Variants in DDX4 observed in about 807,000 individuals in gnomAD.
The protein encoded by DDX4 is DEAD-box helicase 4.
DDX4 carries 25 observed loss-of-function variants against 100.0 expected under a neutral mutation model. That is an observed-to-expected ratio of 0.25 (90% confidence interval 0.18 to 0.35). The LOEUF (loss-of-function observed/expected upper bound fraction) is 0.35, where lower values mean the gene tolerates loss of function less well. Among genes scored for constraint, DDX4 ranks in the 10% least tolerant of loss-of-function variants. DDX4 has a pLI of 1.00. For missense variants in DDX4, 635 were observed against 882.4 expected, an observed-to-expected ratio of 0.72 and a Z score of 3.55; for synonymous variants, 259 against 275.7, an observed-to-expected ratio of 0.94 and a Z score of 0.60.
At chr5:55,746,019 A>G (rs1759231508) in intron 2 of DDX4, 145 bp from the exon 3 acceptor site, 4 of 620,342 alleles carry the variant, frequency 6.4e-6, no homozygotes, top group Non-Finnish European at 1.1e-5. Flanking sequence ...GTAAAGGAAC[A>G]TCCAGTGATT....
chr5:55,788,428 A>G (rs1343416180), intron 15 of DDX4, among the ~76,000 whole-genome samples: 2 of 152,156 alleles, frequency 1.3e-5, no homozygotes, highest in Non-Finnish European at 2.9e-5. Flanking sequence ...GTGAACTGTG[A>G]TTGCACCACC....
intron 3 of DDX4, among the ~76,000 whole-genome samples, chr5:55,751,780 C>A (rs915088968): frequency 5.3e-5 from 8 of 152,134 alleles, no homozygotes; most frequent in Non-Finnish European, 7.3e-5. Flanking sequence ...CCTTATTAAT[C>A]AAAAATTTAA....
chr5:55,777,913 T>C lies in DDX4; in HGVS notation c.395-2051T>C, dbSNP rs185766466. On this transcript the variant is annotated intron_variant, in intron 7 of 21. Coordinates refer to ENST00000505374, the MANE Select transcript of DDX4 (RefSeq NM_024415.3). ...TAAGATGCACAAAGGAAAATAGACA[T>C]AAGGAAAAATTCGCAAATCCTAGTA... Among the ~76,000 whole-genome samples the C allele has an allele frequency of 8.0e-4, 122 of 152,178 alleles. 1 individual carries two copies. The highest frequency in any genetic ancestry group is 1.4e-3 in the Non-Finnish European group (98 of 67,982).
rs146857595 is a variant in DDX4, at chr5:55,764,026, G to A, written c.296G>A (p.Ser99Asn). ...KSFGNRGFSN[S>N]RFEDGDSSGF... Reference sequence around the variant, plus strand: ...ATATTTTGTATAGGTTTTTCAAACAGCAGGTTTGAAGATGGTGATAGCTCT... The same window carrying A: ...ATATTTTGTATAGGTTTTTCAAACAACAGGTTTGAAGATGGTGATAGCTCT... The change falls in exon 6 of 22, where the codon AGC becomes AAC. Residue 99 changes from serine (S) to asparagine (N), a missense_variant. Coordinates refer to ENST00000505374, the MANE Select transcript of DDX4 (RefSeq NM_024415.3). The A allele has an allele frequency of 4.4e-6, 7 of 1,609,038 alleles. No individual in the cohort carries two copies. Among genetic ancestry groups the A allele is most frequent in the Non-Finnish European group, 3.4e-6 (4 of 1,175,856 alleles).
chr5:55,741,648 G>C (rs1006738920), intron 2 of DDX4, among the ~76,000 whole-genome samples: 1 of 152,124 alleles, frequency 6.6e-6, no homozygotes, highest in Non-Finnish European at 1.5e-5. Flanking sequence ...AATTAGCTGG[G>C]AGTGGTGGCA....
intron 2 of DDX4, chr5:55,742,058 CAGAT>C (rs1271669129): frequency 1.6e-5 from 7 of 427,896 alleles, no homozygotes; most frequent in Admixed American, 7.3e-5. Context: ...TCTAGTATAA[CAGAT>C]AGAATTTTGG....
chr5:55,805,037 A>G (rs537437585), intron 18 of DDX4, among the ~76,000 whole-genome samples: 3 of 152,114 alleles, frequency 2.0e-5, no homozygotes, highest in Admixed American at 1.3e-4. Context: ...GAGGTCCTTC[A>G]CATCCCTTGT....
At position 55,781,524 on chromosome 5, in the gene DDX4, C is replaced by G. The variant is rs1301971965; in HGVS notation, c.577+378C>G. On this transcript the variant is annotated intron_variant, in intron 9 of 21. Transcript: ENST00000505374. ...GGGCGTGGTGGCTCATGCCTGTAAT[C>G]CCAGCAGTTTGGGAGGCTGAGGCAG... Among the ~76,000 whole-genome samples, 6 of 152,018 alleles carry G rather than the reference C, an allele frequency of 3.9e-5. No individual in the cohort carries two copies. In the East Asian group the frequency reaches 9.6e-4, roughly 24 times the overall value.
intron 7 of DDX4, among the ~76,000 whole-genome samples, chr5:55,769,304 G>A (rs1192664107): frequency 6.6e-6 from 1 of 152,064 alleles, no homozygotes; most frequent in Non-Finnish European, 1.5e-5. Flanking sequence ...GCGGTCTAAG[G>A]AAGGGGTCCA....
In DDX4 at chr5:55,792,634, C is replaced by T. The variant is rs1742651806; in HGVS notation, c.1303-7C>T. 2 of 1,491,368 alleles carry T rather than the reference C, an allele frequency of 1.3e-6. No individual in the cohort carries two copies. The highest frequency in any genetic ancestry group is 1.8e-6 in the Non-Finnish European group (2 of 1,103,804). The allele number at this position is 1,491,368 out of a possible 1,614,324, so 92.4% of individuals were successfully genotyped here. A position where few individuals can be genotyped will look rare whatever the true frequency, so the allele number is the denominator to read the frequency against. ...TTTCTGTTTTACCTTTGAAAATATC[C>T]TTAAAGATTGGTCTCAAACAGATCA... On this transcript the variant is annotated splice_region_variant and splice_polypyrimidine_tract_variant and intron_variant, in intron 16 of 21. Coordinates refer to ENST00000505374, the MANE Select transcript of DDX4 (RefSeq NM_024415.3).
At chr5:55,750,640 A>C (rs568265202) in intron 3 of DDX4, among the ~76,000 whole-genome samples, 10 of 152,300 alleles carry the variant, frequency 6.6e-5, no homozygotes, top group African/African-American at 2.2e-4. Flanking sequence ...TTGGAACTCC[A>C]TAACTAATTG....
At chr5:55,789,595 A>T (rs1561504957) in intron 15 of DDX4, among the ~76,000 whole-genome samples, 2 of 152,234 alleles carry the variant, frequency 1.3e-5, no homozygotes, top group Non-Finnish European at 2.9e-5. Flanking sequence ...CTTTGTAAGA[A>T]GCAAGTCACT....
intron 16 of DDX4, among the ~76,000 whole-genome samples, chr5:55,792,028 G>A (rs534146357): frequency 6.6e-6 from 1 of 150,884 alleles, no homozygotes; most frequent in African/African-American, 2.4e-5. Flanking sequence ...GGAGGCTGAG[G>A]CAGGAGAATC....
chr5:55,764,874 A>G (rs187341082), intron 6 of DDX4, among the ~76,000 whole-genome samples: 27 of 152,358 alleles, frequency 1.8e-4, no homozygotes, highest in Admixed American at 1.4e-3. Flanking sequence ...TACCAGACAC[A>G]TTCATGACAA....
In DDX4 at chr5:55,790,589, G is replaced by C; in HGVS notation, c.1186G>C (p.Ala396Pro). 6.3e-7 allele frequency: 1 copy of C among 1,594,876 alleles called. No individual in the cohort carries two copies. Among genetic ancestry groups the C allele is most frequent in the Admixed American group, 1.7e-5 (1 of 59,862 alleles). Residue 396 changes from alanine to proline, a missense_variant, in exon 16 of 22, where the codon GCT becomes CCT. Ala to Pro is a conservative substitution (Grantham distance 27). Coordinates refer to ENST00000505374, the MANE Select transcript of DDX4 (RefSeq NM_024415.3). ...TCTTGTTAATAGGACTTGTGTAAGA[G>C]CTGTTGTTATATATGGGGGAACCCA... Reference protein sequence around the residue: ...RKFSFGTCVRAVVIYGGTQLG... With the variant: ...RKFSFGTCVRPVVIYGGTQLG...
In DDX4 at chr5:55,816,642, C is replaced by G; in HGVS notation, c.*102C>G. On this transcript the variant is annotated 3_prime_UTR_variant, in exon 22 of 22. Transcript: ENST00000505374. The stretch of plus-strand genomic sequence containing the variant: ...TATAAAACTTAACATTCTCATAGCT[C>G]CTGTCCTTGTATTCTCACTCCTACA... The G allele has an allele frequency of 6.6e-7, 1 of 1,515,570 alleles. No homozygotes were observed. Among genetic ancestry groups the G allele is most frequent in the Non-Finnish European group, 8.9e-7 (1 of 1,129,904 alleles). The allele number at this position is 1,515,570 out of a possible 1,614,324, so 93.9% of individuals were successfully genotyped here.
intron 13 of DDX4, among the ~76,000 whole-genome samples, chr5:55,786,076 CCCATA>C (rs1227495572): frequency 6.6e-6 from 1 of 152,102 alleles, no homozygotes; most frequent in Non-Finnish European, 1.5e-5. Context: ...ATCCCCACTC[CCCATA>C]CCAGGATGAG....
intron 3 of DDX4, among the ~76,000 whole-genome samples, chr5:55,754,828 T>C (rs1165084394): frequency 6.6e-6 from 1 of 152,072 alleles, no homozygotes; most frequent in Non-Finnish European, 1.5e-5. Flanking sequence ...TGGTAAGCTA[T>C]TGATTATTGC....
At chr5:55,798,939 G>C (rs1219219525) in intron 18 of DDX4, among the ~76,000 whole-genome samples, 2 of 152,032 alleles carry the variant, frequency 1.3e-5, no homozygotes, top group Non-Finnish European at 2.9e-5. Context: ...CCTAGCTCTT[G>C]CTTCCTAAGG....
Sources: gnomAD v4.1 joint callset for allele counts (sites outside exome capture counted in the v4.1 genomes callset) on GRCh38, gnomAD v4.1.1 for gene constraint, MANE v1.5 for transcripts, NCBI Gene and HGNC (gene_info 2026-07-23, HGNC 2026-07-21) for gene names.